EIF3H: variants seen among roughly 807,000 people sequenced by gnomAD.
EIF3H encodes the protein eIF-3-gamma.
In EIF3H, 26 loss-of-function variants were observed where a neutral mutation model predicts 44.2. The ratio of observed to expected loss-of-function variants is 0.59; its 90% CI spans 0.43 to 0.82. The LOEUF (loss-of-function observed/expected upper bound fraction) is 0.82, where lower values mean the gene tolerates loss of function less well. Ranked by LOEUF, EIF3H falls within the 40% of genes least tolerant of loss-of-function variation. EIF3H has a pLI of 0.00. For missense variants in EIF3H, 359 were observed against 432.8 expected, an observed-to-expected ratio of 0.83 and a Z score of 1.51; for synonymous variants, 166 against 151.9, an observed-to-expected ratio of 1.09 and a Z score of -0.68.
At chr8:116,712,114 CGCT>C (rs971679842) in intron 2 of EIF3H, among the ~76,000 whole-genome samples, 7 of 152,278 alleles carry the variant, frequency 4.6e-5, no homozygotes, top group South Asian at 2.1e-4. Context: ...CCGCCGCCGC[CGCT>C]GCTGCTGCTG....
chr8:116,679,103 G>A (rs1379630108), intron 2 of EIF3H, among the ~76,000 whole-genome samples: 2 of 59,172 alleles, frequency 3.4e-5, no homozygotes, highest in Admixed American at 1.2e-4. Flanking sequence ...CAGCCTCCCC[G>A]TCCGGGAGGG....
At chr8:116,673,814 G>A (rs772739750) in intron 2 of EIF3H, among the ~76,000 whole-genome samples, 8 of 152,116 alleles carry the variant, frequency 5.3e-5, no homozygotes, top group Non-Finnish European at 1.2e-4. Context: ...ACGCATGCCT[G>A]TAATCCGAGC....
chr8:116,739,902 T>C (rs1043164499), intron 1 of EIF3H, among the ~76,000 whole-genome samples: 3 of 152,164 alleles, frequency 2.0e-5, no homozygotes, highest in Non-Finnish European at 2.9e-5. Context: ...AGGTTATCAG[T>C]GGTAAAGAAC....
intron 3 of EIF3H, 46 bp from the exon 4 acceptor site, chr8:116,657,360 C>A (rs770378383): frequency 6.8e-7 from 1 of 1,459,944 alleles, no homozygotes; most frequent in Non-Finnish European, 9.6e-7. Flanking sequence ...TTTGTCACTG[C>A]CAGGCTTGAA....
chr8:116,742,379 A>G (rs1188764972), intron 1 of EIF3H, among the ~76,000 whole-genome samples: 1 of 152,220 alleles, frequency 6.6e-6, no homozygotes, highest in Non-Finnish European at 1.5e-5. Context: ...ATGTACAAAT[A>G]TATAATCATA....
intron 2 of EIF3H, 37 bp downstream of exon 2, chr8:116,725,979 T>A (rs1814829230): frequency 4.4e-6 from 7 of 1,596,368 alleles, no homozygotes; most frequent in Non-Finnish European, 6.0e-6. Context: ...TCCATTTGTA[T>A]GCACTGCAAA....
chr8:116,712,756 A>AT (rs1814595870), intron 2 of EIF3H, among the ~76,000 whole-genome samples: 1 of 152,132 alleles, frequency 6.6e-6, no homozygotes, highest in African/African-American at 2.4e-5. Context: ...TATAAAGCAA[A>AT]CAGAACACTT....
intron 1 of EIF3H, among the ~76,000 whole-genome samples, chr8:116,743,741 G>C (rs1266749518): frequency 6.9e-6 from 1 of 145,392 alleles, no homozygotes; most frequent in African/African-American, 2.5e-5. Context: ...CTGGGCGACA[G>C]AGCGATACCC....
intron 2 of EIF3H, among the ~76,000 whole-genome samples, chr8:116,669,334 A>G (rs1250232700): frequency 1.3e-5 from 2 of 152,220 alleles, no homozygotes; most frequent in Non-Finnish European, 2.9e-5. Context: ...ATAAGTTTCT[A>G]TCTCCTGATT....
intron 1 of EIF3H, among the ~76,000 whole-genome samples, chr8:116,754,930 G>A (rs1026939021): frequency 6.6e-5 from 10 of 152,282 alleles, no homozygotes; most frequent in Admixed American, 6.5e-4. Context: ...AGGAAGAGAG[G>A]ATGCTTTTTA....
chr8:116,732,284 C>T (rs1245255214), intron 1 of EIF3H, among the ~76,000 whole-genome samples: 1 of 151,844 alleles, frequency 6.6e-6, no homozygotes, highest in African/African-American at 2.4e-5. Flanking sequence ...GATTTAACTT[C>T]TATGACAAGT....
intron 2 of EIF3H, among the ~76,000 whole-genome samples, chr8:116,687,587 G>A (rs1354834395): frequency 6.6e-6 from 1 of 152,088 alleles, no homozygotes; most frequent in Non-Finnish European, 1.5e-5. Flanking sequence ...GTCTGTTTGT[G>A]CTTTATGAAG....
At chr8:116,732,943 C>T (rs943585676) in intron 1 of EIF3H, among the ~76,000 whole-genome samples, 4 of 152,168 alleles carry the variant, frequency 2.6e-5, no homozygotes, top group East Asian at 1.9e-4. Context: ...ACACTATCTT[C>T]CTGGAGTTAG....
At chr8:116,714,776 T>A (rs941326931) in intron 2 of EIF3H, among the ~76,000 whole-genome samples, 2 of 152,078 alleles carry the variant, frequency 1.3e-5, no homozygotes, top group African/African-American at 2.4e-5. Context: ...TGACTAGTCA[T>A]ACAGATAGGG....
At chr8:116,667,467 A>C (rs1168985571) in intron 2 of EIF3H, among the ~76,000 whole-genome samples, 1 of 151,556 alleles carries the variant, frequency 6.6e-6, no homozygotes, top group Non-Finnish European at 1.5e-5. Context: ...AACTTCACAA[A>C]AAAAAAAAAA....
intron 1 of EIF3H, 98 bp downstream of exon 1, chr8:116,755,568 C>A (rs766530093): frequency 1.6e-5 from 24 of 1,539,254 alleles, no homozygotes; most frequent in Non-Finnish European, 2.1e-5. Context: ...CCCAGCCACA[C>A]CAAGCCCAAG....
At chr8:116,695,781 A>G (rs1223819895) in intron 2 of EIF3H, among the ~76,000 whole-genome samples, 1 of 152,178 alleles carries the variant, frequency 6.6e-6, no homozygotes, top group Non-Finnish European at 1.5e-5. Context: ...GAACAGGAAA[A>G]GGCTTGGGAG....
upstream of EIF3H, among the ~76,000 whole-genome samples, chr8:116,758,880 G>A (rs1815486650): frequency 6.6e-6 from 1 of 152,166 alleles, no homozygotes; most frequent in South Asian, 2.1e-4. Flanking sequence ...CATCAGTGCT[G>A]AGAAAGAAGT....
chr8:116,646,320 G>A, intron 7 of EIF3H, 151 bp downstream of exon 7: 1 of 1,135,256 alleles, frequency 8.8e-7, no homozygotes. Context: ...TTAGATTTCA[G>A]ATATTACAGG....
Sources: gnomAD v4.1 joint callset for allele counts (sites outside exome capture counted in the v4.1 genomes callset) on GRCh38, gnomAD v4.1.1 for gene constraint, MANE v1.5 for transcripts, NCBI Gene and HGNC (gene_info 2026-07-23, HGNC 2026-07-21) for gene names.